ANKMY1: variants seen among roughly 807,000 people sequenced by gnomAD.
ANKMY1 encodes the protein ankyrin repeat and MYND domain-containing protein 1.
Under a neutral mutation model 102.0 loss-of-function variants are expected in ANKMY1, and 98 were observed. That is an observed-to-expected ratio of 0.96 (90% CI 0.82 to 1.14). The LOEUF is 1.14. ANKMY1 is among the 50% of genes most tolerant of loss of function. ANKMY1 has a pLI of 0.00. For synonymous variants in ANKMY1, 582 were observed against 559.9 expected, an observed-to-expected ratio of 1.04 and a Z score of -0.56; for missense variants, 1,330 against 1,347.6, an observed-to-expected ratio of 0.99 and a Z score of 0.20.
At chr2:240,544,839 A>G (rs1469310034) in intron 4 of ANKMY1, among the ~76,000 whole-genome samples, 1 of 152,226 alleles carries the variant, frequency 6.6e-6, no homozygotes, top group African/African-American at 2.4e-5. Context: ...TACATCCCGC[A>G]CCTGGCTCGG....
intron 4 of ANKMY1, among the ~76,000 whole-genome samples, chr2:240,544,657 TGC>T: frequency 2.6e-5 from 4 of 152,138 alleles, no homozygotes; most frequent in African/African-American, 9.7e-5. Flanking sequence ...GCGCGCACTG[TGC>T]GCAAGCCGAA....
At position 240,520,518 on chromosome 2, in the gene ANKMY1, C is replaced by T; in HGVS notation, c.1848G>A (p.Trp616Ter). The change falls in exon 9 of 18, where the codon TGG becomes TGA. Residue 616 changes from tryptophan to a stop codon, truncating the protein, a stop_gained. Transcript: ENST00000401804. LOFTEE classifies it high-confidence loss of function. This position sits in a 1 kb window ranked among gnomAD's most constrained non-coding sequence, Gnocchi z 4.8. ...ALSMIERRKR[W>*]RTIKLLLRRG... ...GGCGCAGCAGCAGCTTGATGGTCCGCCAGCGCTTCCTCCGCCTGAAAAAGA... is the reference window on the plus strand; with the variant it reads ...GGCGCAGCAGCAGCTTGATGGTCCGTCAGCGCTTCCTCCGCCTGAAAAAGA... 6.2e-7 allele frequency: 1 copy of T among 1,612,132 alleles called. No individual in the cohort carries two copies. The highest frequency in any genetic ancestry group is 8.5e-7 in the Non-Finnish European group (1 of 1,179,162).
chr2:240,539,644 C>T (rs1430961904), intron 4 of ANKMY1, among the ~76,000 whole-genome samples: 1 of 152,204 alleles, frequency 6.6e-6, no homozygotes, highest in Non-Finnish European at 1.5e-5. Flanking sequence ...ACTATGGTAG[C>T]TCCACACAAT....
chr2:240,472,798 G>A, the ANKMY1 span, among the ~76,000 whole-genome samples: 1 of 152,150 alleles, frequency 6.6e-6, no homozygotes, highest in Non-Finnish European at 1.5e-5. Flanking sequence ...AGACACCAAT[G>A]CAAGGCTCTA....
intron 13 of ANKMY1, among the ~76,000 whole-genome samples, chr2:240,502,020 C>G (rs1013474108): frequency 2.6e-5 from 4 of 152,224 alleles, no homozygotes; most frequent in African/African-American, 4.8e-5. Context: ...GCCCCACCAC[C>G]TCATCAAATC....
intron 2 of ANKMY1, 26 bp from the exon 3 acceptor site, chr2:240,555,081 G>A (rs1243999480): frequency 1.2e-6 from 2 of 1,611,218 alleles, no homozygotes; most frequent in Admixed American, 1.7e-5. Context: ...CAGAAGGAGG[G>A]AAGAGTGAAG....
At chr2:240,509,224 A>G (rs75962196) in intron 12 of ANKMY1, 124 bp downstream of exon 12, 11 of 602,878 alleles carry the variant, frequency 1.8e-5, no homozygotes, top group African/African-American at 1.7e-4. Context: ...TGGATGGATG[A>G]ATGGATGGAT....
chr2:240,549,942 G>A (rs2091199083), intron 4 of ANKMY1, among the ~76,000 whole-genome samples: 1 of 151,870 alleles, frequency 6.6e-6, no homozygotes, highest in African/African-American at 2.4e-5. Flanking sequence ...TTCAACCATT[G>A]TGGAAGTCAG....
chr2:240,533,718 A>AACAC (rs34916770), intron 4 of ANKMY1, among the ~76,000 whole-genome samples: 9,710 of 145,534 alleles, frequency 0.067, 336 homozygotes, highest in South Asian at 0.09. Flanking sequence ...GATTTCAATA[A>AACAC]ACACACACAC....
chr2:240,512,065 C>T lies in ANKMY1; in HGVS notation c.2146-64G>A, dbSNP rs1407649744. 33 of 1,474,928 alleles carry T rather than the reference C, an allele frequency of 2.2e-5. 1 individual carries two copies. The South Asian group carries it at 3.2e-4, about 14-fold the overall frequency. The allele number at this position is 1,474,928 out of a possible 1,614,324, so 91.4% of individuals were successfully genotyped here. The stretch of plus-strand genomic sequence containing the variant: ...TGCCGTGTGCCCACGGGAAGGCAAA[C>T]GGAGCAAGGGAGCTTCCTCCCCAGC... On this transcript the variant is annotated intron_variant, in intron 10 of 17. Coordinates refer to ENST00000401804, the MANE Select transcript of ANKMY1 (RefSeq NM_001282771.3).
intron 7 of ANKMY1, among the ~76,000 whole-genome samples, chr2:240,524,767 TAAATA>T (rs1464050380): frequency 2.0e-5 from 3 of 152,270 alleles, no homozygotes; most frequent in Non-Finnish European, 2.9e-5. Context: ...TAGGCTAAAT[TAAATA>T]TATTATTAAA....
chr2:240,491,470 G>A (rs569384329), intron 15 of ANKMY1, among the ~76,000 whole-genome samples: 27 of 152,210 alleles, frequency 1.8e-4, no homozygotes, highest in Non-Finnish European at 3.4e-4. Context: ...TAGCATTTGA[G>A]TTCTTTCTCT....
intron 4 of ANKMY1, among the ~76,000 whole-genome samples, chr2:240,547,176 T>C (rs895651649): frequency 4.6e-5 from 7 of 152,154 alleles, no homozygotes; most frequent in Non-Finnish European, 8.8e-5. Context: ...CAGACCACAG[T>C]GCAATCAAAC....
chr2:240,481,088 G>A lies in ANKMY1; in HGVS notation c.2895C>T (p.Phe965=), dbSNP rs563552359. The change falls in exon 17 of 18, where the codon TTC becomes TTT. Residue 965 remains phenylalanine, a synonymous_variant. Transcript: ENST00000401804. ...GGCCACACTGGTAGCAGAACTTGAA[G>A]AAGGGAATTCTGCAACAGAGCCTCA... ...LDVKEQGQIP[F]FKFCYQCGRS... 3 of 1,609,794 alleles carry A rather than the reference G, an allele frequency of 1.9e-6. No individual in the cohort carries two copies. The highest frequency in any genetic ancestry group is 2.7e-5 in the African/African-American group (2 of 74,944).
In ANKMY1 at chr2:240,482,275, G is replaced by C. The variant is rs367775435; in HGVS notation, c.2807-14C>G. The C allele has an allele frequency of 3.0e-5, 49 of 1,606,822 alleles. No homozygotes were observed. In the East Asian group the frequency reaches 4.9e-4, roughly 16 times the overall value. On this transcript the variant is annotated splice_polypyrimidine_tract_variant and intron_variant, in intron 15 of 17. Coordinates refer to ENST00000401804, the MANE Select transcript of ANKMY1 (RefSeq NM_001282771.3). ...GGATCAGCTCCGCTGCATGAGAGAGGGTCCCGCATTAGTACCCACGTGGCA... is the reference window on the plus strand; with the variant it reads ...GGATCAGCTCCGCTGCATGAGAGAGCGTCCCGCATTAGTACCCACGTGGCA...
At chr2:240,525,948 G>T in intron 6 of ANKMY1, 99 bp from the exon 7 acceptor site, 1 of 1,410,366 alleles carries the variant, frequency 7.1e-7, no homozygotes, top group Non-Finnish European at 9.8e-7. Flanking sequence ...CCACCCTATG[G>T]CAGGGCAGGA....
At chr2:240,537,773 G>C (rs980165387) in intron 4 of ANKMY1, among the ~76,000 whole-genome samples, 5 of 152,214 alleles carry the variant, frequency 3.3e-5, no homozygotes, top group Non-Finnish European at 7.3e-5. Context: ...TCTTCTGCAC[G>C]CTGTAAACCA....
chr2:240,474,518 A>G (rs986617879), downstream of ANKMY1, among the ~76,000 whole-genome samples: 1 of 152,076 alleles, frequency 6.6e-6, no homozygotes, highest in African/African-American at 2.4e-5. Flanking sequence ...CATCACCCAG[A>G]TACTAAACCT....
chr2:240,543,200 A>G (rs2089443760), intron 4 of ANKMY1, among the ~76,000 whole-genome samples: 1 of 151,872 alleles, frequency 6.6e-6, no homozygotes, highest in South Asian at 2.1e-4. Context: ...ATGCAAAAAA[A>G]AAATTAGCCG....
Sources: gnomAD v4.1 joint callset for allele counts (sites outside exome capture counted in the v4.1 genomes callset) on GRCh38, gnomAD v4.1.1 for gene constraint, Gnocchi (gnomAD v3.1) non-coding constraint, MANE v1.5 for transcripts, NCBI Gene and HGNC (gene_info 2026-07-23, HGNC 2026-07-21) for gene names.